Variants in C5orf63 observed in about 807,000 individuals in gnomAD.
C5orf63 encodes chromosome 5 open reading frame 63.
Under a neutral mutation model 13.3 loss-of-function variants are expected in C5orf63, and 18 were observed. The observed-to-expected ratio is 1.36, with a 90% confidence interval of 0.94 to 2.01. The LOEUF is 2.01. Ranked by LOEUF, C5orf63 falls within the 30% of genes most tolerant of loss-of-function variation. The pLI is 0.00. For missense variants in C5orf63, 118 were observed against 127.7 expected (o/e 0.92, Z 0.36); for synonymous variants, 38 against 44.7 (o/e 0.85, Z 0.60).
intron 2 of C5orf63, among the ~76,000 whole-genome samples, chr5:127,067,674 C>T (rs1464128350): frequency 6.6e-6 from 1 of 152,106 alleles, no homozygotes; most frequent in African/African-American, 2.4e-5. Flanking sequence ...AGGCCAGTTC[C>T]CTTCCAATTG....
intron 2 of C5orf63, among the ~76,000 whole-genome samples, chr5:127,071,329 T>G (rs1754531626): frequency 6.6e-6 from 1 of 152,206 alleles, no homozygotes. Flanking sequence ...TTCTTTCAGT[T>G]TGCCTCCATA....
At chr5:127,048,262 C>G (rs1178895951), downstream of C5orf63, among the ~76,000 whole-genome samples, 1 of 150,994 alleles carries the variant, frequency 6.6e-6, no homozygotes, top group East Asian at 1.9e-4. Flanking sequence ...CACACACACA[C>G]ACACACACAC....
rs994049979 is a variant in C5orf63 at position 127,051,602 on chromosome 5, A to G, written c.*169T>C. The G allele has an allele frequency of 2.2e-5, 28 of 1,285,350 alleles. No homozygotes were observed. The highest frequency in any genetic ancestry group is 2.7e-5 in the Non-Finnish European group (27 of 1,018,236). 79.6% of individuals were successfully genotyped at this position (1,285,350 alleles called of 1,614,324 possible). Reference sequence around the variant, plus strand: ...ATGCCATTAAGCAAACAGTTCCCACACTGATACTTCCATCAACCAAAAGGG... The same window carrying G: ...ATGCCATTAAGCAAACAGTTCCCACGCTGATACTTCCATCAACCAAAAGGG... On this transcript the variant is annotated 3_prime_UTR_variant, in exon 5 of 5. Coordinates refer to ENST00000296662, the MANE Select transcript of C5orf63 (RefSeq NM_001164478.2).
At chr5:127,068,127 C>A (rs750388782) in intron 2 of C5orf63, among the ~76,000 whole-genome samples, 7 of 152,164 alleles carry the variant, frequency 4.6e-5, no homozygotes, top group Non-Finnish European at 7.4e-5. Flanking sequence ...AATGCTACCA[C>A]TTGTCCCATT....
chr5:127,064,393 G>A (rs1159828488), intron 2 of C5orf63, among the ~76,000 whole-genome samples: 1 of 152,080 alleles, frequency 6.6e-6, no homozygotes, highest in Non-Finnish European at 1.5e-5. Context: ...AGGTGGAAGT[G>A]TTAAGGAGGT....
intron 3 of C5orf63, chr5:127,058,658 A>C: frequency 2.2e-6 from 1 of 463,760 alleles, no homozygotes; most frequent in Non-Finnish European, 3.8e-6. Flanking sequence ...CATTTTTTTC[A>C]ATGTAGGGGC....
At chr5:127,055,357 T>C (rs1228044284) in intron 3 of C5orf63, among the ~76,000 whole-genome samples, 3 of 152,198 alleles carry the variant, frequency 2.0e-5, no homozygotes, top group Admixed American at 6.5e-5. Context: ...CTTCAAACTA[T>C]ATTACAAGGC....
At chr5:127,051,984 C>A (rs752441310) in intron 4 of C5orf63, 37 bp from the exon 5 acceptor site, 9 of 1,409,318 alleles carry the variant, frequency 6.4e-6, no homozygotes, top group Non-Finnish European at 8.3e-6. Context: ...GTATTTTAGA[C>A]CATGGGGTGA....
In C5orf63 at chr5:127,071,698, A is replaced by G. The variant is rs1164029140; in HGVS notation, c.-109-13T>C. On this transcript the variant is annotated splice_polypyrimidine_tract_variant and intron_variant, in intron 1 of 4. Coordinates refer to ENST00000296662, the MANE Select transcript of C5orf63 (RefSeq NM_001164478.2). ...CTGATGTACAGTCCTTGAATAAAGC[A>G]GTAGCAAAAATTAGATTTAAATAAG... 6.6e-6 allele frequency: 1 copy of G among 152,212 alleles called. No individual in the cohort carries two copies. The highest frequency in any genetic ancestry group is 1.5e-5 in the Non-Finnish European group (1 of 68,048). The allele number at this position is 152,212 out of a possible 1,614,324, so 9.4% of individuals were successfully genotyped here.
rs190157750 is a variant in C5orf63 at position 127,069,199 on chromosome 5, G to A, written c.-8+2385C>T. Among the ~76,000 whole-genome samples, 375 of 152,242 alleles carry A rather than the reference G, an allele frequency of 2.5e-3. 2 individuals are homozygous for A. Among genetic ancestry groups the A allele is most frequent in the African/African-American group, 8.5e-3 (355 of 41,536 alleles). On this transcript the variant is annotated intron_variant, in intron 2 of 4. Coordinates refer to ENST00000296662, the MANE Select transcript of C5orf63 (RefSeq NM_001164478.2). Reference sequence around the variant, plus strand: ...TTCCATAAAGATAGCATTAAGATGAGGGCAAAATCATTCTAGTTCAAGGGA... The same window carrying A: ...TTCCATAAAGATAGCATTAAGATGAAGGCAAAATCATTCTAGTTCAAGGGA...
chr5:127,057,471 G>A (rs1753928886), intron 3 of C5orf63, among the ~76,000 whole-genome samples: 1 of 152,124 alleles, frequency 6.6e-6, no homozygotes, highest in Non-Finnish European at 1.5e-5. Flanking sequence ...TAATTTCAGG[G>A]AGATAAAGCT....
intron 2 of C5orf63, among the ~76,000 whole-genome samples, chr5:127,065,762 A>T (rs539729977): frequency 6.6e-6 from 1 of 152,318 alleles, no homozygotes; most frequent in East Asian, 1.9e-4. Context: ...AAGACTGTTG[A>T]GAAAAGGAGA....
rs1580524156 is a variant in C5orf63, at chr5:127,051,817, A to T, written c.302T>A (p.Leu101His). The T allele has an allele frequency of 2.0e-6, 3 of 1,531,816 alleles. No homozygotes were observed. The highest frequency in any genetic ancestry group is 2.6e-6 in the Non-Finnish European group (3 of 1,144,976). 94.9% of individuals were successfully genotyped at this position (1,531,816 alleles called of 1,614,324 possible). A position where few individuals can be genotyped will look rare whatever the true frequency, so the allele number is the denominator to read the frequency against. ...CTCAAGTTTCAGGAGCTGTTTTTCA[A>T]GTTTTGAGGTGTTTACTCGATGCAT... ...LMMHRVNTSKLEKQLLKLEQQ... is the reference protein window; with the variant it reads ...LMMHRVNTSKHEKQLLKLEQQ... Residue 101 changes from leucine (L) to histidine (H), a missense_variant, in exon 5 of 5, where the codon CTT becomes CAT. Physicochemically the swap from Leu to His is moderately conservative, Grantham distance 99. Coordinates refer to ENST00000296662, the MANE Select transcript of C5orf63 (RefSeq NM_001164478.2).
downstream of C5orf63, chr5:127,047,575 A>G (rs1193109113): frequency 4.9e-6 from 3 of 614,570 alleles, no homozygotes; most frequent in African/African-American, 5.5e-5. Context: ...TAAAACCAAC[A>G]TTAGGTATAT....
chr5:127,068,592 C>T (rs1398775209), intron 2 of C5orf63, among the ~76,000 whole-genome samples: 1 of 152,204 alleles, frequency 6.6e-6, no homozygotes, highest in East Asian at 1.9e-4. Flanking sequence ...CCTCTTCATC[C>T]TGGCATTCTC....
chr5:127,043,819 G>A (rs1753459188), downstream of C5orf63: 1 of 152,198 alleles, frequency 6.6e-6, no homozygotes, highest in Admixed American at 6.5e-5. Context: ...AAGTCTTTCT[G>A]AATATAGGAC....
At chr5:127,052,450 G>A (rs1753714688) in intron 4 of C5orf63, 163 bp downstream of exon 4, 2 of 483,710 alleles carry the variant, frequency 4.1e-6, no homozygotes, top group Non-Finnish European at 6.7e-6. Context: ...GGTGTAATGA[G>A]TTTTATGGTA....
Position 127,072,931 on chromosome 5 carries a change from G to A in C5orf63, c.-110+520C>T, listed in dbSNP as rs555526812. On this transcript the variant is annotated intron_variant, in intron 1 of 4. Coordinates refer to ENST00000296662, the MANE Select transcript of C5orf63 (RefSeq NM_001164478.2). ...CTGCTTTTGCCCAATAAGGCTGAGAGGAGATCCAGACAGCTCATCCAGAGA... is the reference window on the plus strand; with the variant it reads ...CTGCTTTTGCCCAATAAGGCTGAGAAGAGATCCAGACAGCTCATCCAGAGA... Among the ~76,000 whole-genome samples, 7 of 152,320 alleles carry A rather than the reference G, an allele frequency of 4.6e-5. No individual in the cohort carries two copies. The East Asian group carries it at 1.4e-3, about 29-fold the overall frequency.
At chr5:127,068,498 T>G (rs377198142) in intron 2 of C5orf63, among the ~76,000 whole-genome samples, 3 of 152,154 alleles carry the variant, frequency 2.0e-5, no homozygotes, top group East Asian at 1.9e-4. Flanking sequence ...GCATCCAAGA[T>G]GGAACTCTCC....
Sources: allele counts gnomAD v4.1 joint callset (sites outside exome capture counted in the v4.1 genomes callset), GRCh38; gene constraint gnomAD v4.1.1; transcripts MANE v1.5; gene names NCBI Gene and HGNC (gene_info 2026-07-23, HGNC 2026-07-21).